Variants in QTRT2 observed in about 807,000 individuals in gnomAD.
QTRT2 encodes queuine tRNA-ribosyltransferase accessory subunit 2.
In QTRT2, 32 loss-of-function variants were observed where a neutral mutation model predicts 44.8. The observed-to-expected ratio is 0.71, with a 90% CI of 0.54 to 0.96. QTRT2 has a LOEUF of 0.96. Among genes scored for constraint, QTRT2 ranks in the 40% least tolerant of loss-of-function variants. The pLI, the probability that QTRT2 is intolerant of heterozygous loss-of-function variation, is 0.00. For missense variants in QTRT2, 461 were observed against 503.1 expected (o/e 0.92, Z 0.80); for synonymous variants, 182 against 187.4 (o/e 0.97, Z 0.24).
intron 9 of QTRT2, among the ~76,000 whole-genome samples, chr3:114,085,223 T>G (rs1223356161): frequency 6.6e-6 from 1 of 152,234 alleles, no homozygotes; most frequent in African/African-American, 2.4e-5. Flanking sequence ...TTTTTTCTTT[T>G]TTGAGATGGA....
intron 5 of QTRT2, 55 bp downstream of exon 5, chr3:114,068,118 A>G (rs2076978487): frequency 7.2e-7 from 1 of 1,396,444 alleles, no homozygotes; most frequent in African/African-American, 1.4e-5. Flanking sequence ...AAGTCAGCCT[A>G]TGGTGTATCC....
At chr3:114,072,192 C>A (rs1310974941) in intron 6 of QTRT2, among the ~76,000 whole-genome samples, 1 of 151,994 alleles carries the variant, frequency 6.6e-6, no homozygotes, top group Non-Finnish European at 1.5e-5. Flanking sequence ...TATTGCTCAG[C>A]CTATCAGGCT....
At chr3:114,079,878 G>A in intron 7 of QTRT2, 28 bp from the exon 8 acceptor site, 1 of 1,608,476 alleles carries the variant, frequency 6.2e-7, no homozygotes, top group Non-Finnish European at 8.5e-7. Flanking sequence ...TTGTCCTCAT[G>A]TCACTGTTCT....
chr3:114,070,645 T>C lies in QTRT2; in HGVS notation c.353T>C (p.Val118Ala), dbSNP rs147672069. The change falls in exon 6 of 10, where the codon GTT (valine) becomes GCT (alanine). Residue 118 changes from valine (V) to alanine (A), a missense_variant. Coordinates refer to ENST00000281273, the MANE Select transcript of QTRT2 (RefSeq NM_024638.4). ...TGGCAGTCTGTGTCTGTGTGGAGTG[T>C]TGCAGGACGAGTGGAAATGACTGTT... The part of the protein sequence containing the change: ...VTNKSVSVWS[V>A]AGRVEMTVSK... The C allele has an allele frequency of 1.2e-5, 20 of 1,614,138 alleles. No homozygotes were observed. The African/African-American group carries it at 2.3e-4, about 18-fold the overall frequency.
At chr3:114,060,488 GTAGGTAGGTAGATAGATAGA>G (rs2107783132) in intron 2 of QTRT2, among the ~76,000 whole-genome samples, 1 of 134,910 alleles carries the variant, frequency 7.4e-6, no homozygotes, top group African/African-American at 2.9e-5. Context: ...AGGTAGGTAG[GTAGGTAGGTAGATAGATAGA>G]TAGATAGATA....
intron 2 of QTRT2, 52 bp downstream of exon 2, chr3:114,057,158 C>G (rs1013755183): frequency 8.3e-6 from 8 of 969,188 alleles, no homozygotes; most frequent in Non-Finnish European, 9.3e-6. Flanking sequence ...AGGGTGGGAC[C>G]GTCTTCAATC....
At chr3:114,074,295 C>T (rs1178047372) in intron 6 of QTRT2, among the ~76,000 whole-genome samples, 1 of 152,214 alleles carries the variant, frequency 6.6e-6, no homozygotes, top group Non-Finnish European at 1.5e-5. Flanking sequence ...GCTTCATCCA[C>T]TGTTTTTCTA....
At chr3:114,066,507 G>C in intron 4 of QTRT2, 1 of 512,924 alleles carries the variant, frequency 1.9e-6, no homozygotes, top group Non-Finnish European at 3.5e-6. Context: ...GAGAATTCTA[G>C]TAAAAATTGT....
intron 7 of QTRT2, chr3:114,077,282 A>G (rs2077104015): frequency 1.3e-5 from 3 of 236,588 alleles, no homozygotes; most frequent in Non-Finnish European, 2.5e-5. Context: ...CCAAGTGTAA[A>G]GTCACATGGA....
In QTRT2 at chr3:114,056,743, C is replaced by T. The variant is rs1040791102; in HGVS notation, c.-251C>T. On this transcript the variant is annotated 5_prime_UTR_variant, in exon 1 of 10. Coordinates refer to ENST00000281273, the MANE Select transcript of QTRT2 (RefSeq NM_024638.4). ...TGGCGCCCAGTGATGACGCAGTACT[C>T]CCTGATTGGCTCTGCACTGGAGGCA... 43 of 1,406,314 alleles carry T rather than the reference C, an allele frequency of 3.1e-5. No individual in the cohort carries two copies. In the East Asian group the frequency reaches 8.5e-4, roughly 28 times the overall value. 87.1% of individuals were successfully genotyped at this position (1,406,314 alleles called of 1,614,324 possible).
chr3:114,073,131 A>G lies in QTRT2; in HGVS notation c.546+2293A>G, dbSNP rs117305097. Reference sequence around the variant, plus strand: ...AATAGAATTCACAGTATATGTAACAAGAGTTTGGTGTGGGGACATTGCTGT... The same window carrying G: ...AATAGAATTCACAGTATATGTAACAGGAGTTTGGTGTGGGGACATTGCTGT... On this transcript the variant is annotated intron_variant, in intron 6 of 9. Coordinates refer to ENST00000281273, the MANE Select transcript of QTRT2 (RefSeq NM_024638.4). Among the ~76,000 whole-genome samples the G allele has an allele frequency of 9.6e-4, 146 of 152,354 alleles. 4 individuals carry two copies. The East Asian group carries it at 0.016, about 16-fold the overall frequency.
intron 4 of QTRT2, among the ~76,000 whole-genome samples, chr3:114,067,319 T>C (rs2076966937): frequency 1.3e-5 from 2 of 152,074 alleles, no homozygotes; most frequent in African/African-American, 4.8e-5. Context: ...ACTGCAGAGG[T>C]TTTACACTTG....
In QTRT2 at chr3:114,085,710, TC is replaced by T; in HGVS notation, c.1056del (p.Cys353ValfsTer17). 1 of 1,614,206 alleles carries T rather than the reference TC, an allele frequency of 6.2e-7. No individual in the cohort carries two copies. The highest frequency in any genetic ancestry group is 8.5e-7 in the Non-Finnish European group (1 of 1,180,026). ...EDFNPLVRGC[S>X]CYCCKNHTRA... ...CTTTAACCCGCTGGTGAGAGGATGT[TC>T]CTGTTACTGCTGTAAGAATCACACT... is the stretch of plus-strand genomic sequence containing the variant. On this transcript the variant is annotated frameshift_variant, in exon 10 of 10. Transcript: ENST00000281273. LOFTEE classifies it high-confidence loss of function.
chr3:114,058,555 C>A (rs1443123779), intron 2 of QTRT2, among the ~76,000 whole-genome samples: 1 of 151,978 alleles, frequency 6.6e-6, no homozygotes, highest in Non-Finnish European at 1.5e-5. Context: ...TTTTTTGAGA[C>A]GGCATCTTGC....
rs758953255 is a variant in QTRT2, at chr3:114,080,058, G to A, written c.898+1G>A. The A allele has an allele frequency of 6.5e-5, 104 of 1,590,118 alleles. No homozygotes were observed. The highest frequency in any genetic ancestry group is 7.3e-5 in the Admixed American group (4 of 54,952). ...TACCAGCCGAATCCTGAAGAGACAC[G>A]TAAGTCTTTTGAAGTTTATCTCTTA... On this transcript the variant is annotated splice_donor_variant, in intron 8 of 9. Transcript: ENST00000281273. LOFTEE classifies it high-confidence loss of function.
Position 114,066,864 on chromosome 3 carries a change from G to T in QTRT2, c.256+581G>T, listed in dbSNP as rs529281759. 3.9e-5 allele frequency among the ~76,000 whole-genome samples: 6 copies of T among 152,298 alleles called. No homozygotes were observed. In the South Asian group the frequency reaches 1.0e-3, roughly 26 times the overall value. Reference sequence around the variant, plus strand: ...CTCATCATGCTTGAACCTCAAACATGCAGGGGAGGATGAAGCGTTTGTATA... The same window carrying T: ...CTCATCATGCTTGAACCTCAAACATTCAGGGGAGGATGAAGCGTTTGTATA... On this transcript the variant is annotated intron_variant, in intron 4 of 9. Coordinates refer to ENST00000281273, the MANE Select transcript of QTRT2 (RefSeq NM_024638.4).
chr3:114,065,194 T>G, intron 2 of QTRT2, 43 bp from the exon 3 acceptor site: 11 of 1,350,492 alleles, frequency 8.1e-6, no homozygotes, highest in Non-Finnish European at 5.2e-6. Flanking sequence ...GGCCTCTAGG[T>G]GTTGTGAAGC....
At position 114,079,991 on chromosome 3, in the gene QTRT2, C is replaced by G. The variant is rs2077145751; in HGVS notation, c.832C>G (p.Gln278Glu). The G allele has an allele frequency of 2.5e-6, 4 of 1,613,644 alleles. No individual in the cohort carries two copies. The highest frequency in any genetic ancestry group is 3.3e-5 in the Admixed American group (2 of 59,976). The change falls in exon 8 of 10, where the codon CAA (glutamine) becomes GAA (glutamate). Residue 278 changes from glutamine (Q) to glutamate (E), a missense_variant. Transcript: ENST00000281273. ...CTTATTTGAGAGTTTTTTCCCTTATCAAGTAACAGAGCGGGGATGTGCCCT... is the reference window on the plus strand; with the variant it reads ...CTTATTTGAGAGTTTTTTCCCTTATGAAGTAACAGAGCGGGGATGTGCCCT... ...VDLFESFFPYQVTERGCALTF... is the reference protein window; with the variant it reads ...VDLFESFFPYEVTERGCALTF...
Position 114,056,862 on chromosome 3 carries a change from C to A in QTRT2, c.-132C>A. ...CTGAAAGAGTCGAATGGTTTGTTGG[C>A]AGGTAAGTGCCCCTTTGCCCTGCTG... is the stretch of plus-strand genomic sequence containing the variant. On this transcript the variant is annotated splice_region_variant and 5_prime_UTR_variant, in exon 1 of 10. Coordinates refer to ENST00000281273, the MANE Select transcript of QTRT2 (RefSeq NM_024638.4). The A allele has an allele frequency of 6.5e-7, 1 of 1,535,884 alleles. No individual in the cohort carries two copies. The highest frequency in any genetic ancestry group is 8.7e-7 in the Non-Finnish European group (1 of 1,146,748).
Sources: gnomAD v4.1 joint callset for allele counts (sites outside exome capture counted in the v4.1 genomes callset) on GRCh38, gnomAD v4.1.1 for gene constraint, MANE v1.5 for transcripts, NCBI Gene and HGNC (gene_info 2026-07-23, HGNC 2026-07-21) for gene names.